The following CRACDL variants were observed in gnomAD, a reference collection of about 807,000 sequenced individuals.
The protein encoded by CRACDL is CRACD-like protein.
CRACDL carries 26 observed loss-of-function variants against 70.6 expected under a neutral mutation model. The ratio of observed to expected loss-of-function variants is 0.37; its 90% CI spans 0.27 to 0.51. The LOEUF (loss-of-function observed/expected upper bound fraction) is 0.51, where lower values mean the gene tolerates loss of function less well. Ranked by LOEUF, CRACDL falls within the 20% of genes least tolerant of loss-of-function variation. The pLI is 0.94. For missense variants in CRACDL, 1,283 were observed against 1,376.9 expected (o/e 0.93, Z 1.08); for synonymous variants, 618 against 615.2 (o/e 1.00, Z -0.07).
intron 1 of CRACDL, among the ~76,000 whole-genome samples, chr2:98,865,882 C>G (rs1320333968): frequency 2.0e-5 from 3 of 150,072 alleles, no homozygotes; most frequent in African/African-American, 7.4e-5. Context: ...CTCACTACAA[C>G]CTCTGTCTCC....
chr2:98,909,469 G>A (rs772894661), intron 1 of CRACDL, among the ~76,000 whole-genome samples: 5 of 152,162 alleles, frequency 3.3e-5, no homozygotes, highest in South Asian at 4.1e-4. Context: ...CCCAGGGGAG[G>A]TTCTAAATGT....
intron 7 of CRACDL, among the ~76,000 whole-genome samples, chr2:98,803,246 C>T (rs573091396): frequency 1.1e-3 from 166 of 152,096 alleles, no homozygotes; most frequent in Non-Finnish European, 1.7e-3. Context: ...GTGATCCACC[C>T]GCCTCAGCCT....
At chr2:98,901,452 C>T (rs542569769) in intron 1 of CRACDL, among the ~76,000 whole-genome samples, 35 of 152,330 alleles carry the variant, frequency 2.3e-4, no homozygotes, top group Admixed American at 7.8e-4. Context: ...AGCTCAGAGC[C>T]CTGAAGGGCA....
At position 98,822,248 on chromosome 2, in the gene CRACDL, C is replaced by T; in HGVS notation, c.2025G>A (p.Pro675=). ...CGGGGAAGGGGTTTCTGTCCTCACT[C>T]GGGGCCGGCTCCTGGGCGGCTGGGC... ...EPCPAAQEPA[P]SEDRNPFPVK... Residue 675 remains proline, a synonymous_variant, in exon 7 of 10, where the codon CCG becomes CCA. Transcript: ENST00000397899. The surrounding 1 kb of genome is among the most constrained non-coding windows in gnomAD (Gnocchi z 4.9). The T allele has an allele frequency of 1.9e-6, 3 of 1,598,700 alleles. No individual in the cohort carries two copies. Among genetic ancestry groups the T allele is most frequent in the East Asian group, 4.5e-5 (2 of 44,496 alleles).
At chr2:98,848,771 A>G (rs1303691926) in intron 1 of CRACDL, among the ~76,000 whole-genome samples, 2 of 152,194 alleles carry the variant, frequency 1.3e-5, no homozygotes, top group Non-Finnish European at 2.9e-5. Context: ...TATTTTTTGT[A>G]GAAACGGGGT....
chr2:98,923,313 G>A (rs1708846799), intron 1 of CRACDL, among the ~76,000 whole-genome samples: 1 of 151,726 alleles, frequency 6.6e-6, no homozygotes, highest in Non-Finnish European at 1.5e-5. Context: ...ATCATGTTTG[G>A]TTACCTCTTT....
At chr2:98,838,666 C>CA (rs376252010) in intron 2 of CRACDL, among the ~76,000 whole-genome samples, 2 of 151,702 alleles carry the variant, frequency 1.3e-5, no homozygotes, top group East Asian at 1.9e-4. Context: ...GACCCTCTCT[C>CA]AAAAAAAATA....
chr2:98,880,256 G>C (rs1342907746), intron 1 of CRACDL, among the ~76,000 whole-genome samples: 2 of 152,194 alleles, frequency 1.3e-5, no homozygotes, highest in African/African-American at 4.8e-5. Flanking sequence ...AGGACGGGCT[G>C]TGCTGATCAG....
intron 1 of CRACDL, among the ~76,000 whole-genome samples, chr2:98,918,952 AT>A (rs1188771181): frequency 6.6e-6 from 1 of 151,818 alleles, no homozygotes; most frequent in Non-Finnish European, 1.5e-5. Context: ...TCATTTGTCT[AT>A]TTTTGTTTTT....
chr2:98,837,252 T>C (rs1314789995), intron 3 of CRACDL, among the ~76,000 whole-genome samples: 1 of 149,816 alleles, frequency 6.7e-6, no homozygotes, highest in African/African-American at 2.5e-5. Context: ...TCCAGTCATC[T>C]GGTGCCACCA....
chr2:98,890,312 AAG>A (rs1175358753), intron 1 of CRACDL, among the ~76,000 whole-genome samples: 1 of 152,206 alleles, frequency 6.6e-6, no homozygotes, highest in African/African-American at 2.4e-5. Context: ...TTAAGAATGA[AAG>A]AGGGGACATC....
intron 5 of CRACDL, among the ~76,000 whole-genome samples, chr2:98,829,772 T>G (rs973984890): frequency 1.5e-4 from 23 of 152,134 alleles, no homozygotes; most frequent in Non-Finnish European, 3.2e-4. Context: ...AAAGAGGGGC[T>G]CAGCCGCTGA....
At position 98,823,534 on chromosome 2, in the gene CRACDL, C is replaced by G; in HGVS notation, c.739G>C (p.Ala247Pro). ...AGGTCGCTCAGGGATTCAGACTGAG[C>G]GCGCTGAGAGAAATAAAGATAAAAA... ...SSKMRRLSSR[A>P]QSESLSDLTC... Residue 247 changes from alanine to proline, a missense_variant, in exon 7 of 10, where the codon GCT (alanine) becomes CCT (proline). This residue lies in a region of CRACDL where 362 missense variants were observed against 495.0 expected (regional missense o/e 0.73). Coordinates refer to ENST00000397899, the MANE Select transcript of CRACDL (RefSeq NM_207362.3). This position sits in a 1 kb window ranked among gnomAD's most constrained non-coding sequence, Gnocchi z 4.0. 6.3e-7 allele frequency: 1 copy of G among 1,574,910 alleles called. No homozygotes were observed. The highest frequency in any genetic ancestry group is 8.6e-7 in the Non-Finnish European group (1 of 1,168,246).
chr2:98,910,065 C>T (rs899715752), intron 1 of CRACDL, among the ~76,000 whole-genome samples: 5 of 152,188 alleles, frequency 3.3e-5, no homozygotes, highest in African/African-American at 1.2e-4. Context: ...CACTTCCCAC[C>T]TCGGAAGGAT....
chr2:98,852,973 G>A (rs945605914), intron 1 of CRACDL, among the ~76,000 whole-genome samples: 1 of 134,584 alleles, frequency 7.4e-6, no homozygotes, highest in Non-Finnish European at 1.6e-5. Flanking sequence ...GGGTGGGTGC[G>A]GGAGAGAGAG....
chr2:98,807,564 C>T (rs3934688), intron 7 of CRACDL, among the ~76,000 whole-genome samples: 3,148 of 152,312 alleles, frequency 0.021, 109 homozygotes, highest in African/African-American at 0.071. Flanking sequence ...CACTGTGGAG[C>T]GTGGGCTGCA....
chr2:98,932,620 G>A (rs1044617780), intron 1 of CRACDL, among the ~76,000 whole-genome samples: 5 of 152,134 alleles, frequency 3.3e-5, no homozygotes, highest in African/African-American at 7.2e-5. Flanking sequence ...TTCAATCCCC[G>A]CAACGCCGCT....
intron 1 of CRACDL, among the ~76,000 whole-genome samples, chr2:98,887,147 A>G (rs1286914151): frequency 6.6e-6 from 1 of 152,198 alleles, no homozygotes; most frequent in African/African-American, 2.4e-5. Context: ...GAACTTGAAG[A>G]CAGGTCAATT....
chr2:98,861,761 A>G (rs1706946368), intron 1 of CRACDL, among the ~76,000 whole-genome samples: 1 of 152,186 alleles, frequency 6.6e-6, no homozygotes, highest in African/African-American at 2.4e-5. Context: ...CAAGGGAAGG[A>G]CTGGGGGGTA....
Sources: gnomAD v4.1 joint callset for allele counts (sites outside exome capture counted in the v4.1 genomes callset) on GRCh38, gnomAD v4.1.1 for gene constraint, gnomAD v4.1.1 regional missense constraint, Gnocchi (gnomAD v3.1) non-coding constraint, MANE v1.5 for transcripts, NCBI Gene and HGNC (gene_info 2026-07-23, HGNC 2026-07-21) for gene names.